The following TECRL variants were observed in gnomAD, a reference collection of about 807,000 sequenced individuals.
The protein encoded by TECRL is trans-2,3-enoyl-CoA reductase like, also known as trans-2,3-enoyl-CoA reductase-like.
Under a neutral mutation model 52.8 loss-of-function variants are expected in TECRL, and 63 were observed. That is an observed-to-expected ratio of 1.19 (90% CI 0.97 to 1.47). The LOEUF (loss-of-function observed/expected upper bound fraction) is 1.47, where lower values mean the gene tolerates loss of function less well. TECRL is among the 40% of genes most tolerant of loss of function. The pLI is 0.00. For missense variants in TECRL, 482 were observed against 429.6 expected, an observed-to-expected ratio of 1.12 and a Z score of -1.08; for synonymous variants, 164 against 141.9, an observed-to-expected ratio of 1.16 and a Z score of -1.10.
chr4:64,390,350 A>C (rs1383983036), intron 1 of TECRL, among the ~76,000 whole-genome samples: 20 of 151,866 alleles, frequency 1.3e-4, no homozygotes, highest in Admixed American at 1.2e-3. Context: ...TTATATCTTC[A>C]ACATGTCAAA....
At chr4:64,343,010 A>G (rs1297590137) in intron 2 of TECRL, among the ~76,000 whole-genome samples, 1 of 152,138 alleles carries the variant, frequency 6.6e-6, no homozygotes, top group Admixed American at 6.6e-5. Context: ...AGCAATAGTC[A>G]TAATAAAAAA....
At chr4:64,348,849 T>C (rs1720175327) in intron 2 of TECRL, among the ~76,000 whole-genome samples, 1 of 152,172 alleles carries the variant, frequency 6.6e-6, no homozygotes, top group African/African-American at 2.4e-5. Flanking sequence ...GATGTTGTAG[T>C]CAGGGAAAAT....
intron 9 of TECRL, among the ~76,000 whole-genome samples, chr4:64,283,294 C>A (rs1328710786): frequency 6.6e-6 from 1 of 151,982 alleles, no homozygotes; most frequent in Non-Finnish European, 1.5e-5. Flanking sequence ...TAATCTCCAT[C>A]CTGGCATTTG....
At chr4:64,339,777 CA>C (rs1719420033) in intron 2 of TECRL, among the ~76,000 whole-genome samples, 1 of 152,194 alleles carries the variant, frequency 6.6e-6, no homozygotes, top group East Asian at 1.9e-4. Context: ...TTCTTATAAT[CA>C]CCATCTCTCC....
rs1291975716 is a variant in TECRL at position 64,409,446 on chromosome 4, A to G, written c.-95T>C. 5 of 1,517,968 alleles carry G rather than the reference A, an allele frequency of 3.3e-6. No individual in the cohort carries two copies. The highest frequency in any genetic ancestry group is 4.4e-6 in the Non-Finnish European group (5 of 1,137,764). 94.0% of individuals were successfully genotyped at this position (1,517,968 alleles called of 1,614,324 possible). A position where few individuals can be genotyped will look rare whatever the true frequency, so the allele number is the denominator to read the frequency against. ...TTAAATACTGCTGGAGAACCTTTGA[A>G]AGGTCAAATGGTATGCCATTCCAAG... On this transcript the variant is annotated 5_prime_UTR_variant, in exon 1 of 12. Transcript: ENST00000381210.
intron 2 of TECRL, among the ~76,000 whole-genome samples, chr4:64,364,271 C>T (rs1721435930): frequency 6.6e-6 from 1 of 151,892 alleles, no homozygotes; most frequent in African/African-American, 2.4e-5. Flanking sequence ...GCAGTGTTAA[C>T]AGGAAAGTTT....
At chr4:64,400,820 G>T (rs940887146) in intron 1 of TECRL, among the ~76,000 whole-genome samples, 13 of 152,144 alleles carry the variant, frequency 8.5e-5, no homozygotes, top group Non-Finnish European at 1.6e-4. Flanking sequence ...CCCAGAAGCA[G>T]ATGCCACTAG....
intron 1 of TECRL, among the ~76,000 whole-genome samples, chr4:64,393,825 A>G (rs914412806): frequency 2.0e-5 from 3 of 152,012 alleles, no homozygotes; most frequent in Admixed American, 6.6e-5. Flanking sequence ...TACGATTACA[A>G]TATTTTCTCT....
intron 2 of TECRL, among the ~76,000 whole-genome samples, chr4:64,372,393 A>G (rs1722036724): frequency 6.6e-6 from 1 of 151,786 alleles, no homozygotes; most frequent in African/African-American, 2.4e-5. Flanking sequence ...TTCATGAAAA[A>G]CATTCCTCTC....
chr4:64,316,110 T>C (rs1717478801), intron 4 of TECRL, among the ~76,000 whole-genome samples: 1 of 152,120 alleles, frequency 6.6e-6, no homozygotes, highest in African/African-American at 2.4e-5. Flanking sequence ...TTTAAAATAG[T>C]TATTTCAACA....
intron 2 of TECRL, among the ~76,000 whole-genome samples, chr4:64,346,196 T>C (rs981273813): frequency 3.9e-5 from 6 of 152,194 alleles, no homozygotes; most frequent in Non-Finnish European, 7.3e-5. Flanking sequence ...TTTCAACTCA[T>C]GAAAGAAGCA....
At chr4:64,369,775 C>A (rs2109653604) in intron 2 of TECRL, among the ~76,000 whole-genome samples, 1 of 151,742 alleles carries the variant, frequency 6.6e-6, no homozygotes, top group Non-Finnish European at 1.5e-5. Context: ...AACTGTGCTA[C>A]AATAGAAATA....
chr4:64,328,642 A>G, intron 2 of TECRL, 86 bp from the exon 3 acceptor site: 1 of 1,134,320 alleles, frequency 8.8e-7, no homozygotes, highest in Non-Finnish European at 1.3e-6. Context: ...AAGACCATTT[A>G]GATCTAGGAA....
chr4:64,277,159 G>T, downstream of TECRL: 1 of 702,234 alleles, frequency 1.4e-6, no homozygotes, highest in Non-Finnish European at 2.3e-6. Context: ...TACAAAAAAA[G>T]TATGATGGAG....
chr4:64,362,747 A>C (rs1046864420), intron 2 of TECRL, among the ~76,000 whole-genome samples: 2 of 152,114 alleles, frequency 1.3e-5, no homozygotes, highest in Non-Finnish European at 2.9e-5. Flanking sequence ...CCAAAAATAC[A>C]CTCAAGTACA....
chr4:64,295,497 A>AT (rs922650793), intron 8 of TECRL, among the ~76,000 whole-genome samples: 1 of 151,446 alleles, frequency 6.6e-6, no homozygotes, highest in Admixed American at 6.6e-5. Flanking sequence ...TATCAGAATT[A>AT]TTTTTTAATT....
chr4:64,380,418 C>T (rs1184778335), intron 1 of TECRL, among the ~76,000 whole-genome samples: 2 of 151,854 alleles, frequency 1.3e-5, no homozygotes, highest in Admixed American at 6.6e-5. Context: ...TAATATGTTC[C>T]CATTTGTGTA....
chr4:64,337,946 G>A (rs989018596), intron 2 of TECRL, among the ~76,000 whole-genome samples: 15 of 152,056 alleles, frequency 9.9e-5, no homozygotes, highest in Admixed American at 3.9e-4. Context: ...AAGTTCATAT[G>A]GAGCCAAAAA....
chr4:64,318,966 T>G (rs1717697774), intron 4 of TECRL, among the ~76,000 whole-genome samples: 1 of 151,948 alleles, frequency 6.6e-6, no homozygotes. Flanking sequence ...AAAATTATAT[T>G]GTACCAAAAC....
Sources: gnomAD v4.1 joint callset for allele counts (sites outside exome capture counted in the v4.1 genomes callset) on GRCh38, gnomAD v4.1.1 for gene constraint, MANE v1.5 for transcripts, NCBI Gene and HGNC (gene_info 2026-07-23, HGNC 2026-07-21) for gene names.